The following DNAJC5B variants were observed in gnomAD, a reference collection of about 807,000 sequenced individuals.
DNAJC5B encodes the protein DnaJ heat shock protein family (Hsp40) member C5 beta.
DNAJC5B carries 23 observed loss-of-function variants against 24.7 expected under a neutral mutation model. The observed-to-expected ratio is 0.93, with a 90% CI of 0.67 to 1.32. The LOEUF is 1.32. Ranked by LOEUF, DNAJC5B falls within the 40% of genes most tolerant of loss-of-function variation. The pLI is 0.00. For missense variants in DNAJC5B, 238 were observed against 240.8 expected (o/e 0.99, Z 0.08); for synonymous variants, 101 against 90.1 (o/e 1.12, Z -0.68).
intron 3 of DNAJC5B, among the ~76,000 whole-genome samples, chr8:66,066,704 G>A (rs1807203218): frequency 6.6e-6 from 1 of 151,948 alleles, no homozygotes; most frequent in South Asian, 2.1e-4. Context: ...GTGACATAAG[G>A]GACTTCGGAG....
chr8:66,043,617 G>A lies in DNAJC5B; in HGVS notation c.-18+6G>A, dbSNP rs886341064. ...GCTTTGAAACGGTGGAACAGGTATG[G>A]AACAGCAGCTTTTGCTGTTGCCTTC... On this transcript the variant is annotated splice_donor_region_variant and intron_variant, in intron 2 of 5. Transcript: ENST00000276570. 8 of 152,136 alleles carry A rather than the reference G, an allele frequency of 5.3e-5. No homozygotes were observed. Among genetic ancestry groups the A allele is most frequent in the Admixed American group, 2.0e-4 (3 of 15,274 alleles). The allele number at this position is 152,136 out of a possible 1,614,324, so 9.4% of individuals were successfully genotyped here.
At chr8:66,089,084 G>A (rs1401404074) in intron 5 of DNAJC5B, among the ~76,000 whole-genome samples, 1 of 152,174 alleles carries the variant, frequency 6.6e-6, no homozygotes, top group African/African-American at 2.4e-5. Flanking sequence ...AAACAAAAGA[G>A]GTTTAATTGA....
At chr8:66,075,264 G>T (rs994179234) in intron 3 of DNAJC5B, among the ~76,000 whole-genome samples, 3 of 152,104 alleles carry the variant, frequency 2.0e-5, no homozygotes, top group Admixed American at 6.5e-5. Context: ...GACGAGGCTG[G>T]TCTAAAACTC....
chr8:66,017,778 C>T (rs1805993146), upstream of DNAJC5B, among the ~76,000 whole-genome samples: 1 of 152,156 alleles, frequency 6.6e-6, no homozygotes, highest in South Asian at 2.1e-4. Context: ...TTAAGATTCC[C>T]ATATTTTAAA....
chr8:66,073,352 T>C (rs1807390681), intron 3 of DNAJC5B, among the ~76,000 whole-genome samples: 1 of 152,078 alleles, frequency 6.6e-6, no homozygotes, highest in African/African-American at 2.4e-5. Context: ...GTAAAAATGA[T>C]AAAACTTTAA....
chr8:66,057,296 A>G (rs1806987053), intron 3 of DNAJC5B: 1 of 152,232 alleles, frequency 6.6e-6, no homozygotes, highest in Non-Finnish European at 1.5e-5. Flanking sequence ...AATAACACAA[A>G]TAATAAAACT....
At position 66,100,285 on chromosome 8, in the gene DNAJC5B, G is replaced by A. The variant is rs1808047719; in HGVS notation, c.*254G>A. On this transcript the variant is annotated 3_prime_UTR_variant, in exon 6 of 6. Coordinates refer to ENST00000276570, the MANE Select transcript of DNAJC5B (RefSeq NM_033105.6). ...AGTTATTTTACCCTCCTTGCCTGAT[G>A]TAGGACAGTGGAATTGTACAGCCTT... 6 of 345,136 alleles carry A rather than the reference G, an allele frequency of 1.7e-5. No individual in the cohort carries two copies. The South Asian group carries it at 3.3e-4, about 19-fold the overall frequency. 21.4% of individuals were successfully genotyped at this position (345,136 alleles called of 1,614,324 possible).
intron 1 of DNAJC5B, among the ~76,000 whole-genome samples, chr8:66,040,808 C>CT (rs1806591305): frequency 1.3e-5 from 2 of 152,288 alleles, no homozygotes; most frequent in South Asian, 4.1e-4. Flanking sequence ...GTTCTCTCTG[C>CT]TTAGCCTTCG....
chr8:66,095,096 C>T (rs1340376196), intron 5 of DNAJC5B, among the ~76,000 whole-genome samples: 1 of 152,006 alleles, frequency 6.6e-6, no homozygotes, highest in Non-Finnish European at 1.5e-5. Flanking sequence ...TATTTTGTAT[C>T]AAGATTATGC....
At chr8:66,045,896 TG>T (rs962145141) in intron 2 of DNAJC5B, among the ~76,000 whole-genome samples, 6 of 152,202 alleles carry the variant, frequency 3.9e-5, no homozygotes, top group Non-Finnish European at 7.3e-5. Context: ...AACGTTAGGC[TG>T]CTTTGCTCAC....
At chr8:66,039,443 G>A (rs1563589404) in intron 1 of DNAJC5B, among the ~76,000 whole-genome samples, 1 of 151,388 alleles carries the variant, frequency 6.6e-6, no homozygotes, top group Non-Finnish European at 1.5e-5. Flanking sequence ...CTGCCTCCTG[G>A]GCTCAAGCGA....
intron 3 of DNAJC5B, among the ~76,000 whole-genome samples, chr8:66,060,472 G>A (rs1807057384): frequency 6.6e-6 from 1 of 152,174 alleles, no homozygotes; most frequent in Non-Finnish European, 1.5e-5. Context: ...ATCCTGATGT[G>A]CCCTAACCCC....
At chr8:66,074,762 C>A (rs1450457639) in intron 3 of DNAJC5B, among the ~76,000 whole-genome samples, 2 of 152,212 alleles carry the variant, frequency 1.3e-5, no homozygotes, top group Non-Finnish European at 2.9e-5. Context: ...ACGACCACCT[C>A]CTTGACGGTT....
At chr8:66,083,289 G>A (rs914313323) in intron 5 of DNAJC5B, among the ~76,000 whole-genome samples, 3 of 151,854 alleles carry the variant, frequency 2.0e-5, no homozygotes, top group African/African-American at 7.3e-5. Flanking sequence ...AGGATTACAG[G>A]TGTGAGCCAC....
At chr8:66,037,235 A>G (rs1167560677) in intron 1 of DNAJC5B, among the ~76,000 whole-genome samples, 2 of 152,112 alleles carry the variant, frequency 1.3e-5, no homozygotes, top group Non-Finnish European at 2.9e-5. Flanking sequence ...TTTCCCACTG[A>G]TGCCCTCTGG....
chr8:66,044,830 C>T (rs1806690390), intron 2 of DNAJC5B, among the ~76,000 whole-genome samples: 1 of 151,898 alleles, frequency 6.6e-6, no homozygotes, highest in African/African-American at 2.4e-5. Context: ...AGATGAGGGA[C>T]TATGAATAAA....
chr8:66,053,936 CT>C (rs60244347), intron 3 of DNAJC5B, among the ~76,000 whole-genome samples: 324 of 138,196 alleles, frequency 2.3e-3, no homozygotes, highest in East Asian at 3.1e-3. Context: ...GCCTACTACC[CT>C]TTTTTTTTTT....
chr8:66,085,877 C>T (rs1158839474), intron 5 of DNAJC5B, among the ~76,000 whole-genome samples: 1 of 152,040 alleles, frequency 6.6e-6, no homozygotes, highest in African/African-American at 2.4e-5. Flanking sequence ...ATTTGTAGAT[C>T]AGCTTGGAAA....
intron 5 of DNAJC5B, among the ~76,000 whole-genome samples, chr8:66,086,781 C>T (rs536496506): frequency 6.6e-6 from 1 of 152,094 alleles, no homozygotes; most frequent in Non-Finnish European, 1.5e-5. Flanking sequence ...AAGATTACCA[C>T]AGGAAATTAA....
Sources: gnomAD v4.1 joint callset for allele counts (sites outside exome capture counted in the v4.1 genomes callset) on GRCh38, gnomAD v4.1.1 for gene constraint, MANE v1.5 for transcripts, NCBI Gene and HGNC (gene_info 2026-07-23, HGNC 2026-07-21) for gene names.